The following MCTP1 variants were observed in gnomAD, a reference collection of about 807,000 sequenced individuals.
MCTP1 encodes the protein multiple C2 and transmembrane domain containing 1.
Under a neutral mutation model 120.6 loss-of-function variants are expected in MCTP1, and 69 were observed. The ratio of observed to expected loss-of-function variants is 0.57; its 90% CI spans 0.47 to 0.70. MCTP1 has a LOEUF of 0.70. Among genes scored for constraint, MCTP1 ranks in the 30% least tolerant of loss-of-function variants. The pLI is 0.00. For synonymous variants in MCTP1, 529 were observed against 493.1 expected, an observed-to-expected ratio of 1.07 and a Z score of -0.96; for missense variants, 1,203 against 1,248.8, an observed-to-expected ratio of 0.96 and a Z score of 0.55.
chr5:94,886,969 T>C (rs1801494155), intron 12 of MCTP1, among the ~76,000 whole-genome samples: 1 of 152,178 alleles, frequency 6.6e-6, no homozygotes, highest in South Asian at 2.1e-4. Context: ...AAATATATAG[T>C]CTTTCAATTT....
At chr5:94,836,029 A>T (rs899180498) in intron 17 of MCTP1, among the ~76,000 whole-genome samples, 1 of 151,570 alleles carries the variant, frequency 6.6e-6, no homozygotes, top group African/African-American at 2.4e-5. Flanking sequence ...ACAAACAAAA[A>T]ATTAGCCAGG....
intron 3 of MCTP1, 49 bp from the exon 4 acceptor site, chr5:94,942,476 G>T: frequency 7.7e-7 from 1 of 1,304,386 alleles, no homozygotes; most frequent in Non-Finnish European, 1.1e-6. Flanking sequence ...TCCAATATAA[G>T]CTTTATGTGA....
chr5:94,778,409 C>A (rs905606568), intron 19 of MCTP1, among the ~76,000 whole-genome samples: 1 of 152,012 alleles, frequency 6.6e-6, no homozygotes, highest in Non-Finnish European at 1.5e-5. Flanking sequence ...TAGTTCCAAC[C>A]CCAGCCACTG....
chr5:95,117,129 A>G (rs1455882755), intron 1 of MCTP1, among the ~76,000 whole-genome samples: 1 of 152,144 alleles, frequency 6.6e-6, no homozygotes, highest in Non-Finnish European at 1.5e-5. Context: ...GCCAACAAAC[A>G]TATGAAAAAA....
intron 1 of MCTP1, among the ~76,000 whole-genome samples, chr5:95,052,846 G>A (rs937452037): frequency 2.0e-5 from 3 of 152,130 alleles, no homozygotes; most frequent in Non-Finnish European, 4.4e-5. Context: ...AATAAGACTG[G>A]GGTAGCCGTC....
At chr5:95,188,130 A>G (rs1749430307) in intron 1 of MCTP1, among the ~76,000 whole-genome samples, 1 of 152,234 alleles carries the variant, frequency 6.6e-6, no homozygotes, top group Non-Finnish European at 1.5e-5. Flanking sequence ...CAAGACAGAT[A>G]CATAGATGGC....
rs1468568518 is a variant in MCTP1, at chr5:94,890,168, T to TA, written c.1840-1197dup. Among the ~76,000 whole-genome samples, 14 of 151,952 alleles carry TA rather than the reference T, an allele frequency of 9.2e-5. No homozygotes were observed. The South Asian group carries it at 1.2e-3, about 14-fold the overall frequency. ...CATGTGCAACCATACTTGGTTAACTTAAAAAAAAATTAAAATTCTGTAGAA... is the reference window on the plus strand; with the variant it reads ...CATGTGCAACCATACTTGGTTAACTTAAAAAAAAAATTAAAATTCTGTAGAA... On this transcript the variant is annotated intron_variant, in intron 11 of 22. Transcript: ENST00000515393.
chr5:94,997,549 C>T (rs1455430857), intron 2 of MCTP1, among the ~76,000 whole-genome samples: 1 of 152,162 alleles, frequency 6.6e-6, no homozygotes, highest in East Asian at 1.9e-4. Flanking sequence ...GTTATGCTTT[C>T]CCCTTGTCCA....
At chr5:94,837,016 T>C (rs1789952031) in intron 17 of MCTP1, among the ~76,000 whole-genome samples, 2 of 152,144 alleles carry the variant, frequency 1.3e-5, no homozygotes, top group South Asian at 4.1e-4. Context: ...AGGAAGATTC[T>C]ATGGGTTTGA....
In MCTP1 at chr5:95,168,252, T is replaced by C. The variant is rs534038532; in HGVS notation, c.720+115604A>G. On this transcript the variant is annotated intron_variant, in intron 1 of 22. Transcript: ENST00000515393. ...AGGGCTCTGTTCTGTTCCATTGGTT[T>C]ATTTCTCTGTTTTGGTACCAGTACC... 5.8e-4 allele frequency among the ~76,000 whole-genome samples: 89 copies of C among 152,328 alleles called. No individual in the cohort carries two copies. In the Middle Eastern group the frequency reaches 0.024, roughly 41 times the overall value.
At chr5:94,895,503 T>C (rs1490124838) in intron 10 of MCTP1, among the ~76,000 whole-genome samples, 1 of 152,148 alleles carries the variant, frequency 6.6e-6, no homozygotes, top group African/African-American at 2.4e-5. Flanking sequence ...TTCATAAAAA[T>C]GTCAGTTGAT....
chr5:95,155,151 T>G (rs1744966446), intron 1 of MCTP1, among the ~76,000 whole-genome samples: 1 of 152,154 alleles, frequency 6.6e-6, no homozygotes, highest in Admixed American at 6.5e-5. Context: ...AGAGCTCTAC[T>G]CAGATCATGC....
intron 19 of MCTP1, among the ~76,000 whole-genome samples, chr5:94,742,956 A>G (rs979709546): frequency 6.6e-6 from 1 of 152,202 alleles, no homozygotes; most frequent in African/African-American, 2.4e-5. Context: ...TTGGTAAACA[A>G]ATCCTTAGGA....
At chr5:94,781,344 T>C (rs1776540537) in intron 18 of MCTP1, among the ~76,000 whole-genome samples, 1 of 152,096 alleles carries the variant, frequency 6.6e-6, no homozygotes, top group South Asian at 2.1e-4. Flanking sequence ...GCTTAGCAGA[T>C]TGTCAGGTAC....
chr5:94,877,686 T>C (rs1267064127), intron 12 of MCTP1: 1 of 152,136 alleles, frequency 6.6e-6, no homozygotes, highest in Non-Finnish European at 1.5e-5. Context: ...CACTGACATA[T>C]TGATAAAGAA....
chr5:95,073,047 C>A (rs541959364), intron 1 of MCTP1, among the ~76,000 whole-genome samples: 1 of 152,188 alleles, frequency 6.6e-6, no homozygotes, highest in African/African-American at 2.4e-5. Flanking sequence ...TATGGAGGAC[C>A]TCTTTCTCAA....
intron 1 of MCTP1, among the ~76,000 whole-genome samples, chr5:95,186,097 A>C (rs1199610612): frequency 6.6e-6 from 1 of 152,110 alleles, no homozygotes; most frequent in Non-Finnish European, 1.5e-5. Context: ...ACTCTGTCTC[A>C]AAATAAATAC....
chr5:95,180,221 G>A (rs1172112242), intron 1 of MCTP1, among the ~76,000 whole-genome samples: 2 of 152,182 alleles, frequency 1.3e-5, no homozygotes, highest in African/African-American at 4.8e-5. Flanking sequence ...ATACTCCACT[G>A]TCAGCACTAG....
intron 1 of MCTP1, among the ~76,000 whole-genome samples, chr5:95,276,760 G>A (rs1759876862): frequency 6.6e-6 from 1 of 151,570 alleles, no homozygotes; most frequent in African/African-American, 2.4e-5. Context: ...AGACCATCCT[G>A]GCTAACATGG....
Sources: gnomAD v4.1 joint callset for allele counts (sites outside exome capture counted in the v4.1 genomes callset) on GRCh38, gnomAD v4.1.1 for gene constraint, MANE v1.5 for transcripts, NCBI Gene and HGNC (gene_info 2026-07-23, HGNC 2026-07-21) for gene names.